RBFOX1: variants seen among roughly 807,000 people sequenced by gnomAD.
The protein encoded by RBFOX1 is RNA binding protein fox-1 homolog 1.
A neutral mutation model predicts 57.7 loss-of-function variants in RBFOX1; 8 were observed. That is an observed-to-expected ratio of 0.14 (90% CI 0.08 to 0.25). The LOEUF is 0.25. RBFOX1 is among the 10% of genes least tolerant of loss of function. RBFOX1 has a pLI of 1.00. For synonymous variants in RBFOX1, 326 were observed against 222.4 expected, an observed-to-expected ratio of 1.47 and a Z score of -4.15; for missense variants, 611 against 548.5, an observed-to-expected ratio of 1.11 and a Z score of -1.14.
intron 4 of RBFOX1, among the ~76,000 whole-genome samples, chr16:7,365,892 G>T (rs369959202): frequency 6.6e-6 from 1 of 152,170 alleles, no homozygotes; most frequent in Non-Finnish European, 1.5e-5. Context: ...CTCCTTCTTT[G>T]TCTCCTTTCT....
intron 4 of RBFOX1, among the ~76,000 whole-genome samples, chr16:7,413,065 A>C (rs2098445316): frequency 6.6e-6 from 1 of 151,944 alleles, no homozygotes. Context: ...AATAAATAAA[A>C]ATAAAAATAA....
rs543499080 is a variant in RBFOX1 at position 7,487,054 on chromosome 16, C to G, written c.28-31093C>G. 3.3e-5 allele frequency among the ~76,000 whole-genome samples: 5 copies of G among 152,300 alleles called. No individual in the cohort carries two copies. In the East Asian group the frequency reaches 5.8e-4, roughly 18 times the overall value. On this transcript the variant is annotated intron_variant, in intron 4 of 15. Transcript: ENST00000550418. ...AGCTGAGCTTACAGGTACCTGCCATCATGCCCAGCTAATTTTTGTAATTTT... is the reference window on the plus strand; with the variant it reads ...AGCTGAGCTTACAGGTACCTGCCATGATGCCCAGCTAATTTTTGTAATTTT...
chr16:7,685,254 G>A (rs1381459663), intron 14 of RBFOX1, among the ~76,000 whole-genome samples: 1 of 152,008 alleles, frequency 6.6e-6, no homozygotes, highest in Non-Finnish European at 1.5e-5. Flanking sequence ...GAGATAAGAG[G>A]ATCTATCTTT....
chr16:5,496,683 T>C (rs2043013515), intron 2 of RBFOX1, among the ~76,000 whole-genome samples: 1 of 152,156 alleles, frequency 6.6e-6, no homozygotes, highest in Non-Finnish European at 1.5e-5. Flanking sequence ...TGGGATGGGA[T>C]GGGGAAATGG....
At chr16:6,904,991 G>GGTGCT (rs1171471309) in intron 3 of RBFOX1, among the ~76,000 whole-genome samples, 1 of 152,146 alleles carries the variant, frequency 6.6e-6, no homozygotes, top group Non-Finnish European at 1.5e-5. Flanking sequence ...GTCTGTCAGA[G>GGTGCT]GTGCTGTGCT....
intron 3 of RBFOX1, chr16:5,616,029 AAC>A (rs2048011969): frequency 6.6e-6 from 1 of 152,426 alleles, no homozygotes; most frequent in Non-Finnish European, 1.5e-5. Flanking sequence ...ATCAGATCTG[AAC>A]CCAGAGCTCT....
At chr16:6,393,797 C>T (rs1427188939) in intron 2 of RBFOX1, among the ~76,000 whole-genome samples, 1 of 152,100 alleles carries the variant, frequency 6.6e-6, no homozygotes, top group Non-Finnish European at 1.5e-5. Context: ...TTATGGGTGA[C>T]CAATTAATTC....
chr16:7,266,991 C>T (rs530269360), intron 4 of RBFOX1, among the ~76,000 whole-genome samples: 2 of 152,086 alleles, frequency 1.3e-5, no homozygotes, highest in South Asian at 2.1e-4. Context: ...CCAAAAAGCT[C>T]CCCAAAACAA....
intron 2 of RBFOX1, among the ~76,000 whole-genome samples, chr16:6,443,103 C>G (rs943840157): frequency 6.6e-6 from 1 of 152,158 alleles, no homozygotes; most frequent in African/African-American, 2.4e-5. Context: ...TTCCCAGCCC[C>G]CAGTTTTCCC....
chr16:5,704,728 A>G (rs1372251958), intron 3 of RBFOX1, among the ~76,000 whole-genome samples: 2 of 152,192 alleles, frequency 1.3e-5, no homozygotes, highest in African/African-American at 4.8e-5. Context: ...GGGCTCTCCC[A>G]GGACCCCTCA....
chr16:7,349,877 T>C (rs962348377), intron 4 of RBFOX1, among the ~76,000 whole-genome samples: 12 of 152,184 alleles, frequency 7.9e-5, no homozygotes, highest in African/African-American at 2.4e-5. Flanking sequence ...CCAGGCACGG[T>C]GGCTCATGCT....
chr16:6,324,595 G>T (rs1176588013), intron 2 of RBFOX1, among the ~76,000 whole-genome samples: 4 of 152,154 alleles, frequency 2.6e-5, no homozygotes, highest in Admixed American at 1.3e-4. Flanking sequence ...ATTCATTGCT[G>T]CAAGGACAGT....
At chr16:7,457,124 A>G (rs914612545) in intron 4 of RBFOX1, among the ~76,000 whole-genome samples, 1 of 151,888 alleles carries the variant, frequency 6.6e-6, no homozygotes, top group Non-Finnish European at 1.5e-5. Flanking sequence ...TGACCTCAGG[A>G]GATCCGCCTG....
chr16:6,392,666 A>T (rs1487535710), intron 2 of RBFOX1, among the ~76,000 whole-genome samples: 1 of 152,220 alleles, frequency 6.6e-6, no homozygotes, highest in Non-Finnish European at 1.5e-5. Context: ...TGGGATGCAG[A>T]CAGTGCCTCA....
rs575728013 is a variant in RBFOX1, at chr16:5,855,170, G to A, written c.319-12133G>A. On this transcript the variant is annotated intron_variant, in intron 3 of 19. Transcript: ENST00000641259. ...GTTTAGAAGTATTTTCTCCCACTCC[G>A]TAGGTTGCTATTTTGTTCTGTTTGT... is the stretch of plus-strand genomic sequence containing the variant. Among the ~76,000 whole-genome samples the A allele has an allele frequency of 9.9e-5, 15 of 152,230 alleles. 1 individual carries two copies. The highest frequency in any genetic ancestry group is 2.6e-4 in the Admixed American group (4 of 15,290).
chr16:7,031,327 G>C (rs1253245852), intron 3 of RBFOX1, among the ~76,000 whole-genome samples: 1 of 152,130 alleles, frequency 6.6e-6, no homozygotes, highest in East Asian at 1.9e-4. Flanking sequence ...TGGGTGCTAT[G>C]GCTCATACCT....
intron 3 of RBFOX1, among the ~76,000 whole-genome samples, chr16:5,766,768 G>C (rs932659746): frequency 6.6e-6 from 1 of 152,112 alleles, no homozygotes; most frequent in African/African-American, 2.4e-5. Flanking sequence ...CATCCAAACT[G>C]TATCAGAAGC....
intron 2 of RBFOX1, among the ~76,000 whole-genome samples, chr16:6,365,401 T>C (rs950386909): frequency 5.9e-5 from 9 of 151,440 alleles, no homozygotes; most frequent in Admixed American, 1.3e-4. Flanking sequence ...GATGAGTAGA[T>C]GGATGGATGG....
chr16:6,940,542 C>G (rs1281293258), intron 3 of RBFOX1, among the ~76,000 whole-genome samples: 1 of 152,094 alleles, frequency 6.6e-6, no homozygotes, highest in African/African-American at 2.4e-5. Context: ...TCCTCTAAAT[C>G]TAATTCATCC....
Sources: gnomAD v4.1 joint callset for allele counts (sites outside exome capture counted in the v4.1 genomes callset) on GRCh38, gnomAD v4.1.1 for gene constraint, MANE v1.5 for transcripts, NCBI Gene and HGNC (gene_info 2026-07-23, HGNC 2026-07-21) for gene names.